DCC: variants seen among roughly 807,000 people sequenced by gnomAD.
The protein encoded by DCC is DCC netrin 1 receptor.
Under a neutral mutation model 172.5 loss-of-function variants are expected in DCC, and 58 were observed. The ratio of observed to expected loss-of-function variants is 0.34; its 90% CI spans 0.27 to 0.42. The LOEUF (loss-of-function observed/expected upper bound fraction) is 0.42, where lower values mean the gene tolerates loss of function less well. Among genes scored for constraint, DCC ranks in the 10% least tolerant of loss-of-function variants. The pLI is 1.00. For missense variants in DCC, 1,740 were observed against 1,791.0 expected, an observed-to-expected ratio of 0.97 and a Z score of 0.51; for synonymous variants, 709 against 644.5, an observed-to-expected ratio of 1.10 and a Z score of -1.52.
intron 25 of DCC, among the ~76,000 whole-genome samples, chr18:53,482,147 A>G (rs1030013471): frequency 6.6e-6 from 1 of 152,098 alleles, no homozygotes; most frequent in Non-Finnish European, 1.5e-5. Flanking sequence ...CCTAATACCT[A>G]ATGTTTTATC....
At chr18:53,369,768 T>C (rs928029729) in intron 15 of DCC, among the ~76,000 whole-genome samples, 1 of 151,936 alleles carries the variant, frequency 6.6e-6, no homozygotes, top group Admixed American at 6.6e-5. Flanking sequence ...GTGGATTACA[T>C]TGATTAATTT....
At chr18:53,012,508 A>T (rs1397609621) in intron 5 of DCC, among the ~76,000 whole-genome samples, 2 of 152,072 alleles carry the variant, frequency 1.3e-5, no homozygotes, top group Non-Finnish European at 2.9e-5. Flanking sequence ...AGGTTATTCC[A>T]GTGGGAAGAT....
intron 1 of DCC, among the ~76,000 whole-genome samples, chr18:52,613,003 A>G (rs1404845150): frequency 6.6e-6 from 1 of 152,180 alleles, no homozygotes; most frequent in Non-Finnish European, 1.5e-5. Flanking sequence ...TCTGTCAGGC[A>G]TTTTGAGTGA....
At chr18:52,935,812 T>G (rs996262248) in intron 5 of DCC, among the ~76,000 whole-genome samples, 5 of 152,146 alleles carry the variant, frequency 3.3e-5, no homozygotes, top group Non-Finnish European at 7.4e-5. Flanking sequence ...ATAATATTTA[T>G]CTTTTTATTG....
chr18:53,035,445 A>G (rs991262370), intron 5 of DCC, among the ~76,000 whole-genome samples: 5 of 152,150 alleles, frequency 3.3e-5, no homozygotes, highest in African/African-American at 7.2e-5. Flanking sequence ...TATCTGCAGT[A>G]TTACCTGGTC....
chr18:52,941,486 T>G lies in DCC; in HGVS notation c.985+16116T>G, dbSNP rs199754131. 1.1e-4 allele frequency among the ~76,000 whole-genome samples: 16 copies of G among 149,636 alleles called. No individual in the cohort carries two copies. In the South Asian group the frequency reaches 1.3e-3, roughly 12 times the overall value. ...TTCTTTAACATACATATATACATGTTTGTGTGTGTGTGTGTGTATATATAT... is the reference window on the plus strand; with the variant it reads ...TTCTTTAACATACATATATACATGTGTGTGTGTGTGTGTGTGTATATATAT... On this transcript the variant is annotated intron_variant, in intron 5 of 28. Coordinates refer to ENST00000442544, the MANE Select transcript of DCC (RefSeq NM_005215.4).
chr18:53,519,517 C>CA (rs2046375970), intron 27 of DCC, among the ~76,000 whole-genome samples: 1 of 148,684 alleles, frequency 6.7e-6, no homozygotes, highest in African/African-American at 2.5e-5. Flanking sequence ...CTCCCTCTCC[C>CA]AAAATGAAGT....
intron 21 of DCC, 89 bp downstream of exon 21, chr18:53,416,245 C>T (rs1188835224): frequency 1.1e-6 from 1 of 921,888 alleles, no homozygotes; most frequent in Non-Finnish European, 1.8e-6. Flanking sequence ...CCTCTTTTCA[C>T]CTGGACCATA....
chr18:53,181,479 C>G (rs1313519544), intron 9 of DCC, among the ~76,000 whole-genome samples: 3 of 147,222 alleles, frequency 2.0e-5, no homozygotes, highest in Admixed American at 1.4e-4. Flanking sequence ...GTTTTTGACA[C>G]TGGCTAAGAA....
chr18:52,343,014 G>A (rs1455654221), intron 1 of DCC, among the ~76,000 whole-genome samples: 1 of 152,142 alleles, frequency 6.6e-6, no homozygotes, highest in East Asian at 1.9e-4. Flanking sequence ...ACATACACAT[G>A]GGTTATGTTG....
Position 52,951,321 on chromosome 18 carries a change from T to C in DCC, c.985+25951T>C, listed in dbSNP as rs1040551776. 9.6e-4 allele frequency among the ~76,000 whole-genome samples: 146 copies of C among 152,274 alleles called. 1 individual carries two copies. The highest frequency in any genetic ancestry group is 1.3e-3 in the Non-Finnish European group (86 of 68,022). On this transcript the variant is annotated intron_variant, in intron 5 of 28. Transcript: ENST00000442544. ...GGAATGCATGTGCAGAATGTGCAGGTTTGTTACACAGGTATACATGTGCCA... is the reference window on the plus strand; with the variant it reads ...GGAATGCATGTGCAGAATGTGCAGGCTTGTTACACAGGTATACATGTGCCA...
At chr18:52,405,117 A>G (rs969880005) in intron 1 of DCC, among the ~76,000 whole-genome samples, 26 of 151,392 alleles carry the variant, frequency 1.7e-4, no homozygotes, top group Non-Finnish European at 1.3e-4. Flanking sequence ...ATGCCACAAT[A>G]AACATATGTG....
intron 20 of DCC, among the ~76,000 whole-genome samples, chr18:53,411,297 G>GA (rs1909974999): frequency 6.6e-6 from 1 of 152,052 alleles, no homozygotes; most frequent in African/African-American, 2.4e-5. Flanking sequence ...TTTAACAATT[G>GA]AAAATAATTT....
rs1042628440 is a variant in DCC at position 52,752,209 on chromosome 18, T to A, written c.247T>A (p.Leu83Met). 6.2e-7 allele frequency: 1 copy of A among 1,614,158 alleles called. No homozygotes were observed. Among genetic ancestry groups the A allele is most frequent in the Admixed American group, 1.7e-5 (1 of 60,024 alleles). ...KWKKDGIHLA[L>M]GMDERKQQLS... ...GAAGAAAGATGGCATTCATCTGGCC[T>A]TGGGAATGGATGAAAGGAAGCAGCA... Residue 83 changes from leucine (L) to methionine (M), a missense_variant, in exon 2 of 29, where the codon TTG (leucine) becomes ATG (methionine). By Grantham distance (15) the Leu-to-Met change is conservative. Around this residue, in one of 2 missense-constraint regions of DCC, gnomAD observed 1,732 missense variants for 1,767.4 expected, o/e 0.98. Coordinates refer to ENST00000442544, the MANE Select transcript of DCC (RefSeq NM_005215.4).
intron 1 of DCC, among the ~76,000 whole-genome samples, chr18:52,721,203 C>T (rs915059612): frequency 3.3e-5 from 5 of 152,196 alleles, no homozygotes; most frequent in Middle Eastern, 3.4e-3. Flanking sequence ...TCAACAGGAC[C>T]GTATGGCAAT....
chr18:53,518,424 T>A (rs79524748), intron 27 of DCC, among the ~76,000 whole-genome samples: 2,076 of 152,256 alleles, frequency 0.014, 22 homozygotes, highest in Non-Finnish European at 0.019. Flanking sequence ...AAAATTATTT[T>A]ACATGGGAAA....
At chr18:53,274,776 C>T (rs533877433) in intron 12 of DCC, among the ~76,000 whole-genome samples, 16 of 152,156 alleles carry the variant, frequency 1.1e-4, no homozygotes, top group Middle Eastern at 3.4e-3. Context: ...CCTTATTGAT[C>T]GAAGTGTGGT....
intron 1 of DCC, among the ~76,000 whole-genome samples, chr18:52,584,095 T>A (rs2144782709): frequency 6.6e-6 from 1 of 152,344 alleles, no homozygotes; most frequent in East Asian, 1.9e-4. Flanking sequence ...AGTAATTTAG[T>A]AAAAGAGATC....
intron 2 of DCC, among the ~76,000 whole-genome samples, chr18:52,763,630 T>C (rs2037197414): frequency 1.3e-5 from 2 of 152,260 alleles, no homozygotes; most frequent in Admixed American, 1.3e-4. Flanking sequence ...GGGAAATAGT[T>C]TATATACCAT....
Sources: allele counts gnomAD v4.1 joint callset (sites outside exome capture counted in the v4.1 genomes callset), GRCh38; gene constraint gnomAD v4.1.1; regional missense constraint gnomAD v4.1.1; transcripts MANE v1.5; gene names NCBI Gene and HGNC (gene_info 2026-07-23, HGNC 2026-07-21).